The following TBC1D22A variants were observed in gnomAD, a reference collection of about 807,000 sequenced individuals.
The protein encoded by TBC1D22A is TBC1 domain family member 22A.
TBC1D22A carries 38 observed loss-of-function variants against 60.2 expected under a neutral mutation model. The ratio of observed to expected loss-of-function variants is 0.63; its 90% CI spans 0.49 to 0.83. The LOEUF (loss-of-function observed/expected upper bound fraction) is 0.83. Among genes scored for constraint, TBC1D22A ranks in the 40% least tolerant of loss-of-function variants. The pLI is 0.00. For missense variants in TBC1D22A, 628 were observed against 701.0 expected, an observed-to-expected ratio of 0.90 and a Z score of 1.18; for synonymous variants, 302 against 281.7, an observed-to-expected ratio of 1.07 and a Z score of -0.72.
chr22:46,997,431 C>G (rs1281128025), intron 9 of TBC1D22A, among the ~76,000 whole-genome samples: 1 of 152,242 alleles, frequency 6.6e-6, no homozygotes, highest in African/African-American at 2.4e-5. Context: ...TCGGGAAATA[C>G]TGGCCTTTCC....
At chr22:47,043,176 G>A (rs1040606135) in intron 11 of TBC1D22A, among the ~76,000 whole-genome samples, 3 of 152,222 alleles carry the variant, frequency 2.0e-5, no homozygotes, top group African/African-American at 7.2e-5. Context: ...GCCATGTGGT[G>A]GGAGGCCACA....
At chr22:46,907,212 C>G (rs2069551772) in intron 7 of TBC1D22A, among the ~76,000 whole-genome samples, 2 of 152,186 alleles carry the variant, frequency 1.3e-5, no homozygotes, top group African/African-American at 4.8e-5. Context: ...TCTCCTCCTC[C>G]CTCCTCAGCT....
In TBC1D22A at chr22:47,079,084, C is replaced by CATT. The variant is rs1556117651; in HGVS notation, c.1330-32424_1330-32423insATT. ...TGGGTAAGTGAGAATGTAGAGCAGA[C>CATT]TTTTTTTTTTTTTTTTTTTTGAGAC... On this transcript the variant is annotated intron_variant, in intron 11 of 12. Coordinates refer to ENST00000337137, the MANE Select transcript of TBC1D22A (RefSeq NM_014346.5). Among the ~76,000 whole-genome samples, 922 of 124,920 alleles carry CATT rather than the reference C, an allele frequency of 7.4e-3. 18 individuals carry two copies. The highest frequency in any genetic ancestry group is 0.022 in the African/African-American group (743 of 33,446). 82.0% of individuals were successfully genotyped at this position (124,920 alleles called of 152,430 possible). A position where few individuals can be genotyped will look rare whatever the true frequency, so the allele number is the denominator to read the frequency against.
chr22:46,804,963 T>C (rs968685487), intron 4 of TBC1D22A, among the ~76,000 whole-genome samples: 1 of 152,206 alleles, frequency 6.6e-6, no homozygotes, highest in African/African-American at 2.4e-5. Flanking sequence ...GCGACTGTGG[T>C]ATTTTCTCTA....
chr22:47,023,641 A>G (rs762367208), intron 10 of TBC1D22A, among the ~76,000 whole-genome samples: 1 of 152,248 alleles, frequency 6.6e-6, no homozygotes, highest in Non-Finnish European at 1.5e-5. Flanking sequence ...AAGCATGACA[A>G]CAGCAGTCTC....
At chr22:47,165,390 C>T (rs570352189) in intron 12 of TBC1D22A, among the ~76,000 whole-genome samples, 1 of 152,306 alleles carries the variant, frequency 6.6e-6, no homozygotes, top group Admixed American at 6.5e-5. Context: ...TTCTGGAGCT[C>T]TTTGCACCAG....
At chr22:46,876,948 G>A (rs73891034) in intron 4 of TBC1D22A, among the ~76,000 whole-genome samples, 11,727 of 152,298 alleles carry the variant, frequency 0.077, 1,108 homozygotes, top group African/African-American at 0.23. Flanking sequence ...ATTTCCCGAC[G>A]TTGAACCATC....
chr22:47,040,248 G>A (rs1461951612), intron 11 of TBC1D22A, among the ~76,000 whole-genome samples: 1 of 152,084 alleles, frequency 6.6e-6, no homozygotes, highest in Non-Finnish European at 1.5e-5. Context: ...CCTGGCCGGT[G>A]CCCAGACTTT....
chr22:47,104,694 CAAAA>C (rs34812715), intron 11 of TBC1D22A, among the ~76,000 whole-genome samples: 5 of 102,144 alleles, frequency 4.9e-5, no homozygotes, highest in Non-Finnish European at 2.0e-5. Context: ...GACTCTGTCT[CAAAA>C]AAAAAAAAAA....
intron 9 of TBC1D22A, among the ~76,000 whole-genome samples, chr22:46,981,720 A>G (rs2074519154): frequency 1.3e-5 from 2 of 152,174 alleles, no homozygotes; most frequent in Non-Finnish European, 2.9e-5. Context: ...GCCATGCTGA[A>G]CTGTGAGTCA....
intron 11 of TBC1D22A, among the ~76,000 whole-genome samples, chr22:47,047,150 G>A (rs140568858): frequency 6.6e-6 from 1 of 152,170 alleles, no homozygotes; most frequent in South Asian, 2.1e-4. Context: ...CGAGGGTGTG[G>A]CGGAGGAGGG....
chr22:46,946,712 C>T (rs2072569446), intron 8 of TBC1D22A, among the ~76,000 whole-genome samples: 2 of 152,346 alleles, frequency 1.3e-5, no homozygotes, highest in South Asian at 4.1e-4. Flanking sequence ...CATTCAGTCA[C>T]AGCATCCTCA....
chr22:46,983,735 G>A lies in TBC1D22A; in HGVS notation c.1125+9336G>A, dbSNP rs111500545. Among the ~76,000 whole-genome samples the A allele has an allele frequency of 1.6e-3, 242 of 150,416 alleles. 2 individuals carry two copies. The highest frequency in any genetic ancestry group is 5.7e-3 in the African/African-American group (235 of 40,962). On this transcript the variant is annotated intron_variant, in intron 9 of 12. Transcript: ENST00000337137. The stretch of plus-strand genomic sequence containing the variant: ...ATATTTTATTTTTTTTCTACCAAGT[G>A]CACTATGAAGGTTCCAGCCAGATAC...
chr22:46,975,185 G>A (rs548252195), intron 9 of TBC1D22A, among the ~76,000 whole-genome samples: 6 of 152,230 alleles, frequency 3.9e-5, no homozygotes, highest in African/African-American at 1.2e-4. Flanking sequence ...CTAGACACTC[G>A]CTTCCTGTGA....
rs142168178 is a variant in TBC1D22A, at chr22:47,133,858, G to A, written c.1425+22255G>A. Among the ~76,000 whole-genome samples the A allele has an allele frequency of 1.7e-3, 255 of 152,314 alleles. 1 individual carries two copies. Among genetic ancestry groups the A allele is most frequent in the Non-Finnish European group, 2.5e-3 (172 of 68,012 alleles). On this transcript the variant is annotated intron_variant, in intron 12 of 12. Transcript: ENST00000337137. ...GATCAACACGGCCCCGGGCATCCTC[G>A]CGAGCTCCAAACATCCTTCCGTGGG...
chr22:46,964,452 T>C (rs551760395), intron 8 of TBC1D22A, among the ~76,000 whole-genome samples: 3 of 152,296 alleles, frequency 2.0e-5, no homozygotes, highest in Admixed American at 1.3e-4. Context: ...GAGGCCCGTA[T>C]ATTCTTTTCA....
At chr22:46,948,673 T>C (rs1202112824) in intron 8 of TBC1D22A, among the ~76,000 whole-genome samples, 1 of 152,208 alleles carries the variant, frequency 6.6e-6, no homozygotes, top group Non-Finnish European at 1.5e-5. Context: ...TTGGTCTTTG[T>C]CCCCGTGGGG....
chr22:47,133,054 A>C (rs184217671), intron 12 of TBC1D22A, among the ~76,000 whole-genome samples: 173 of 152,356 alleles, frequency 1.1e-3, no homozygotes, highest in African/African-American at 3.9e-3. Flanking sequence ...GAACTCCAAA[A>C]ATTGAAGTAG....
intron 4 of TBC1D22A, among the ~76,000 whole-genome samples, chr22:46,848,856 A>G (rs1602138856): frequency 1.3e-5 from 2 of 149,368 alleles, no homozygotes; most frequent in Middle Eastern, 3.6e-3. Flanking sequence ...GTTTCAGCCC[A>G]CCGTAATAGC....
Sources: gnomAD v4.1 joint callset for allele counts (sites outside exome capture counted in the v4.1 genomes callset) on GRCh38, gnomAD v4.1.1 for gene constraint, MANE v1.5 for transcripts, NCBI Gene and HGNC (gene_info 2026-07-23, HGNC 2026-07-21) for gene names.